The following GDAP2 variants were observed in gnomAD, a reference collection of about 807,000 sequenced individuals.
The protein encoded by GDAP2 is ganglioside-induced differentiation-associated protein 2.
A neutral mutation model predicts 67.0 loss-of-function variants in GDAP2; 51 were observed. The observed-to-expected ratio is 0.76, with a 90% confidence interval of 0.61 to 0.96. The LOEUF (loss-of-function observed/expected upper bound fraction) is 0.96. GDAP2 is among the 40% of genes least tolerant of loss of function. The probability of loss-of-function intolerance (pLI) is 0.00; values close to 1 mark genes in which losing one functional copy is unlikely to be tolerated. For missense variants in GDAP2, 547 were observed against 588.3 expected (o/e 0.93, Z 0.73); for synonymous variants, 203 against 207.3 (o/e 0.98, Z 0.18).
Position 117,887,691 on chromosome 1 carries a change from A to G in GDAP2, c.1030+7T>C. On this transcript the variant is annotated splice_region_variant and intron_variant, in intron 9 of 13. Transcript: ENST00000369443. ...GAAAGAATAAGTTACCATATATTTA[A>G]GCTCACCTGTTTGGTATAAGGCTTT... The G allele has an allele frequency of 7.2e-7, 1 of 1,390,546 alleles. No individual in the cohort carries two copies. Among genetic ancestry groups the G allele is most frequent in the Non-Finnish European group, 1.0e-6 (1 of 976,394 alleles). 86.1% of individuals were successfully genotyped at this position (1,390,546 alleles called of 1,614,324 possible).
At chr1:117,888,278 A>C (rs1244844714) in intron 8 of GDAP2, among the ~76,000 whole-genome samples, 1 of 152,162 alleles carries the variant, frequency 6.6e-6, no homozygotes, top group African/African-American at 2.4e-5. Flanking sequence ...AGTGCTGTAC[A>C]TGTTATGTGG....
chr1:117,871,032 T>A (rs904633995), intron 13 of GDAP2, among the ~76,000 whole-genome samples: 1 of 152,190 alleles, frequency 6.6e-6, no homozygotes, highest in Non-Finnish European at 1.5e-5. Flanking sequence ...TTCAAATCTA[T>A]TTAAATCTAA....
intron 10 of GDAP2, among the ~76,000 whole-genome samples, chr1:117,884,382 T>C (rs762403767): frequency 6.6e-6 from 1 of 152,206 alleles, no homozygotes; most frequent in Non-Finnish European, 1.5e-5. Flanking sequence ...CCCAGTGGTT[T>C]AGCTGTAAAC....
intron 1 of GDAP2, among the ~76,000 whole-genome samples, chr1:117,929,053 C>T (rs1650577070): frequency 1.3e-5 from 2 of 152,120 alleles, no homozygotes; most frequent in African/African-American, 4.8e-5. Flanking sequence ...CGTCTACCCA[C>T]CCCTCACCCG....
chr1:117,918,039 T>G (rs1436691783), intron 3 of GDAP2, among the ~76,000 whole-genome samples: 1 of 152,284 alleles, frequency 6.6e-6, no homozygotes, highest in East Asian at 1.9e-4. Flanking sequence ...TCTAATATTT[T>G]TATTAGGTTA....
chr1:117,918,886 G>A, intron 2 of GDAP2, 150 bp from the exon 3 acceptor site: 1 of 660,538 alleles, frequency 1.5e-6, no homozygotes, highest in Non-Finnish European at 2.6e-6. Flanking sequence ...AGAAATTTCT[G>A]ACTTAAAAAA....
At chr1:117,923,242 A>C (rs952345050) in intron 1 of GDAP2, among the ~76,000 whole-genome samples, 7 of 152,196 alleles carry the variant, frequency 4.6e-5, no homozygotes, top group African/African-American at 1.7e-4. Flanking sequence ...CAGGGTCCTG[A>C]GGTGACATAC....
intron 8 of GDAP2, among the ~76,000 whole-genome samples, chr1:117,895,621 GTC>G (rs1649236738): frequency 6.6e-6 from 1 of 152,138 alleles, no homozygotes; most frequent in Non-Finnish European, 1.5e-5. Context: ...CATCAGATGA[GTC>G]TTACACATAT....
chr1:117,916,729 C>A (rs1650056274), intron 3 of GDAP2, among the ~76,000 whole-genome samples: 1 of 152,176 alleles, frequency 6.6e-6, no homozygotes, highest in Non-Finnish European at 1.5e-5. Flanking sequence ...CCTAAGGTTC[C>A]TTGAATGAAA....
intron 6 of GDAP2, among the ~76,000 whole-genome samples, chr1:117,903,361 G>T (rs1649546963): frequency 6.6e-6 from 1 of 152,034 alleles, no homozygotes; most frequent in Non-Finnish European, 1.5e-5. Flanking sequence ...TCTGATCTTA[G>T]GCAGAAAGCT....
At position 117,868,371 on chromosome 1, in the gene GDAP2, T is replaced by C. The variant is rs1272888990; in HGVS notation, c.*2198A>G. 8 of 152,188 alleles carry C rather than the reference T, an allele frequency of 5.3e-5. No individual in the cohort carries two copies. The highest frequency in any genetic ancestry group is 1.5e-5 in the Non-Finnish European group (1 of 68,026). The allele number at this position is 152,188 out of a possible 1,614,324, so 9.4% of individuals were successfully genotyped here. A position where few individuals can be genotyped will look rare whatever the true frequency, so the allele number is the denominator to read the frequency against. On this transcript the variant is annotated 3_prime_UTR_variant, in exon 14 of 14. Transcript: ENST00000369443. ...CACAGTTGATATGTATATAGTTCTG[T>C]ATCACCTTTATACCCTAGGACATCA... is the stretch of plus-strand genomic sequence containing the variant.
chr1:117,880,176 C>T (rs923697200), intron 12 of GDAP2, among the ~76,000 whole-genome samples: 3 of 151,972 alleles, frequency 2.0e-5, no homozygotes, highest in Non-Finnish European at 2.9e-5. Flanking sequence ...CAGACTGAGA[C>T]CCTGTCTCTA....
intron 7 of GDAP2, among the ~76,000 whole-genome samples, 192 bp downstream of exon 7, chr1:117,898,865 T>C (rs952540817): frequency 2.6e-5 from 4 of 152,224 alleles, no homozygotes; most frequent in Non-Finnish European, 5.9e-5. Context: ...AGACTTGACG[T>C]ATATCTATCT....
intron 8 of GDAP2, among the ~76,000 whole-genome samples, chr1:117,895,010 C>A (rs541387413): frequency 7.8e-4 from 119 of 152,130 alleles, no homozygotes; most frequent in Non-Finnish European, 1.4e-3. Context: ...CTGAATAATT[C>A]AATGAATCAA....
intron 13 of GDAP2, among the ~76,000 whole-genome samples, chr1:117,874,155 T>C (rs1241854086): frequency 1.3e-5 from 2 of 152,226 alleles, no homozygotes; most frequent in South Asian, 2.1e-4. Flanking sequence ...TCTTCTGCTA[T>C]AGTTTGAATA....
At chr1:117,919,547 G>C (rs574964427) in intron 2 of GDAP2, among the ~76,000 whole-genome samples, 1 of 152,030 alleles carries the variant, frequency 6.6e-6, no homozygotes, top group Non-Finnish European at 1.5e-5. Context: ...TGCCCAGAGG[G>C]ATTAAGGAAA....
Position 117,899,043 on chromosome 1 carries a change from G to T in GDAP2, c.796+14C>A. The T allele has an allele frequency of 6.2e-7, 1 of 1,607,524 alleles. No individual in the cohort carries two copies. The highest frequency in any genetic ancestry group is 8.5e-7 in the Non-Finnish European group (1 of 1,174,220). ...TAAGAGGGAGATTTAAAAAGTTAGA[G>T]CTCTAGAACTCACCTTCTGGAGCAC... On this transcript the variant is annotated intron_variant, in intron 7 of 13. Transcript: ENST00000369443.
chr1:117,900,610 T>A (rs533794998), intron 6 of GDAP2, among the ~76,000 whole-genome samples: 1 of 148,210 alleles, frequency 6.7e-6, no homozygotes, highest in Admixed American at 6.7e-5. Flanking sequence ...TACTAAAATA[T>A]AAAAAATTAC....
intron 3 of GDAP2, among the ~76,000 whole-genome samples, chr1:117,917,691 T>C (rs773886935): frequency 5.3e-5 from 8 of 152,282 alleles, no homozygotes; most frequent in Non-Finnish European, 1.2e-4. Flanking sequence ...CAGTTTAACA[T>C]TGAGGTTTTA....
Sources: gnomAD v4.1 joint callset for allele counts (sites outside exome capture counted in the v4.1 genomes callset) on GRCh38, gnomAD v4.1.1 for gene constraint, MANE v1.5 for transcripts, NCBI Gene and HGNC (gene_info 2026-07-23, HGNC 2026-07-21) for gene names.